ME3: variants seen among roughly 807,000 people sequenced by gnomAD.
ME3 encodes the protein malic enzyme 3.
A neutral mutation model predicts 68.9 loss-of-function variants in ME3; 48 were observed. That is an observed-to-expected ratio of 0.70 (90% CI 0.55 to 0.89). The LOEUF is 0.89. Among genes scored for constraint, ME3 ranks in the 40% least tolerant of loss-of-function variants. The pLI is 0.00. For missense variants in ME3, 675 were observed against 797.4 expected (o/e 0.85, Z 1.85); for synonymous variants, 320 against 318.8 (o/e 1.00, Z -0.04).
chr11:86,612,457 T>G (rs1176538821), intron 2 of ME3, among the ~76,000 whole-genome samples: 1 of 152,206 alleles, frequency 6.6e-6, no homozygotes, highest in Non-Finnish European at 1.5e-5. Flanking sequence ...CAAATGGTAT[T>G]TCTGGTTCTA....
At chr11:86,434,997 A>G in the ME3 span, 2 of 152,212 alleles carry the variant, frequency 1.3e-5, no homozygotes, top group African/African-American at 4.8e-5. Context: ...AAAAATCAAG[A>G]TTTTGCATAT....
intron 2 of ME3, among the ~76,000 whole-genome samples, chr11:86,633,300 G>A (rs1944129778): frequency 6.6e-6 from 1 of 152,136 alleles, no homozygotes; most frequent in Admixed American, 6.5e-5. Flanking sequence ...TGTGTGTTTT[G>A]ATTTATTAAC....
At chr11:86,487,285 C>T in intron 7 of ME3, 52 bp downstream of exon 7, 3 of 1,453,168 alleles carry the variant, frequency 2.1e-6, no homozygotes, top group Non-Finnish European at 1.9e-6. Context: ...TGACTTTAGT[C>T]ACGGCATCTC....
At chr11:86,484,880 T>G (rs1951601607) in intron 7 of ME3, among the ~76,000 whole-genome samples, 1 of 152,210 alleles carries the variant, frequency 6.6e-6, no homozygotes. Context: ...AGTCTCAGTT[T>G]TCTCTTGCAT....
chr11:86,614,448 T>C (rs1331357418), intron 2 of ME3, among the ~76,000 whole-genome samples: 1 of 152,214 alleles, frequency 6.6e-6, no homozygotes, highest in African/African-American at 2.4e-5. Context: ...GCCTTTGCTG[T>C]GAGTCCAGAA....
chr11:86,550,565 TG>T (rs1434936781), intron 4 of ME3, among the ~76,000 whole-genome samples: 1 of 152,198 alleles, frequency 6.6e-6, no homozygotes, highest in Non-Finnish European at 1.5e-5. Context: ...GCAGCACAGC[TG>T]AAAGTTTCGC....
intron 2 of ME3, among the ~76,000 whole-genome samples, chr11:86,628,202 C>T (rs985229773): frequency 2.6e-5 from 4 of 152,180 alleles, no homozygotes; most frequent in African/African-American, 9.6e-5. Flanking sequence ...AGGAGTCAAT[C>T]CTTTGGCTCG....
At chr11:86,571,313 T>C (rs1463227162) in intron 2 of ME3, among the ~76,000 whole-genome samples, 1 of 152,248 alleles carries the variant, frequency 6.6e-6, no homozygotes, top group African/African-American at 2.4e-5. Context: ...CTTGGTCCTA[T>C]TTTAAATCTT....
At chr11:86,529,806 C>G (rs960168440) in intron 4 of ME3, among the ~76,000 whole-genome samples, 5 of 152,100 alleles carry the variant, frequency 3.3e-5, no homozygotes, top group East Asian at 1.9e-4. Context: ...ATTAAATAAC[C>G]CTTCATGCTA....
At chr11:86,451,014 C>G (rs1376573316) in intron 8 of ME3, among the ~76,000 whole-genome samples, 1 of 152,140 alleles carries the variant, frequency 6.6e-6, no homozygotes, top group African/African-American at 2.4e-5. Context: ...GAGCAGCTGA[C>G]CAAGGAGAAA....
At chr11:86,530,100 A>G (rs2139260334) in intron 4 of ME3, among the ~76,000 whole-genome samples, 1 of 152,188 alleles carries the variant, frequency 6.6e-6, no homozygotes, top group East Asian at 1.9e-4. Flanking sequence ...TATCTAGAAA[A>G]CCCCATTGTC....
intron 2 of ME3, among the ~76,000 whole-genome samples, chr11:86,560,748 G>GTATATATATATATA (rs142056305): frequency 2.6e-4 from 16 of 62,522 alleles, no homozygotes; most frequent in Admixed American, 4.1e-4. Context: ...GTGTGTGTGT[G>GTATATATATATATA]TATATATATA....
chr11:86,492,067 G>T (rs1404104520), intron 6 of ME3, among the ~76,000 whole-genome samples: 1 of 152,248 alleles, frequency 6.6e-6, no homozygotes. Flanking sequence ...GCCCAAAGGG[G>T]CTCTAGGCTT....
At chr11:86,514,744 T>G (rs1157510870) in intron 4 of ME3, among the ~76,000 whole-genome samples, 2 of 152,246 alleles carry the variant, frequency 1.3e-5, no homozygotes, top group Non-Finnish European at 2.9e-5. Flanking sequence ...ATACACTTAT[T>G]TGTTACAATG....
At chr11:86,446,417 G>A (rs755986634) in exon 13 of ME3, 1 of 1,614,206 alleles carries the variant, frequency 6.2e-7, no homozygotes, top group Non-Finnish European at 8.5e-7. Flanking sequence ...TCCCTGCCCA[G>A]GAATGAAGGT....
chr11:86,528,370 C>T (rs1027298304), intron 4 of ME3, among the ~76,000 whole-genome samples: 2 of 152,122 alleles, frequency 1.3e-5, no homozygotes, highest in African/African-American at 4.8e-5. Context: ...TCCTTAGAGA[C>T]CTACAAAGAG....
chr11:86,601,771 C>T (rs941970107), intron 2 of ME3, among the ~76,000 whole-genome samples: 10 of 151,984 alleles, frequency 6.6e-5, no homozygotes, highest in African/African-American at 2.4e-4. Context: ...AAGTGGGCTT[C>T]ATCCCTGGGA....
intron 5 of ME3, among the ~76,000 whole-genome samples, chr11:86,508,236 A>G (rs191619057): frequency 2.0e-5 from 3 of 152,102 alleles, no homozygotes. Context: ...TCCACAGCCT[A>G]GTCTCTCCAC....
chr11:86,538,897 C>T (rs961146393), intron 4 of ME3, among the ~76,000 whole-genome samples: 7 of 152,316 alleles, frequency 4.6e-5, no homozygotes, highest in Admixed American at 4.6e-4. Flanking sequence ...GAGGGGCTTT[C>T]TTGTGATGAG....
Sources: allele counts gnomAD v4.1 joint callset (sites outside exome capture counted in the v4.1 genomes callset), GRCh38; gene constraint gnomAD v4.1.1; transcripts MANE v1.5; gene names NCBI Gene and HGNC (gene_info 2026-07-23, HGNC 2026-07-21).